Variants in CENPI observed in about 807,000 individuals in gnomAD.
CENPI encodes FSH primary response 1.
In CENPI, 4 loss-of-function variants were observed where a neutral mutation model predicts 60.4. The ratio of observed to expected loss-of-function variants is 0.07; its 90% confidence interval spans 0.03 to 0.15. The LOEUF (loss-of-function observed/expected upper bound fraction) is 0.15, where lower values mean the gene tolerates loss of function less well. Among genes scored for constraint, CENPI ranks in the 10% least tolerant of loss-of-function variants. CENPI has a pLI of 1.00. For synonymous variants in CENPI, 157 were observed against 189.4 expected, an observed-to-expected ratio of 0.83 and a Z score of 1.40; for missense variants, 444 against 534.5, an observed-to-expected ratio of 0.83 and a Z score of 1.67.
intron 4 of CENPI, among the ~76,000 whole-genome samples, chrX:101,105,347 A>AC (rs1294527609): frequency 3.6e-5 from 4 of 110,192 alleles, no homozygotes. Flanking sequence ...ACATGGTGAA[A>AC]CCCCGTCTCT....
downstream of CENPI, among the ~76,000 whole-genome samples, chrX:101,169,283 C>T (rs1449116075): frequency 8.9e-6 from 1 of 112,254 alleles, no homozygotes; most frequent in Non-Finnish European, 1.9e-5. Flanking sequence ...GAAAAACAAT[C>T]TACACATCCA....
At chrX:101,120,109 A>G (rs747380137) in intron 6 of CENPI, among the ~76,000 whole-genome samples, 5 of 112,561 alleles carry the variant, frequency 4.4e-5, no homozygotes, top group African/African-American at 1.6e-4. Context: ...TGAAAGGAAT[A>G]CATTAATTTT....
chrX:101,143,653 C>A (rs1391214357), intron 16 of CENPI, among the ~76,000 whole-genome samples: 1 of 112,494 alleles, frequency 8.9e-6, no homozygotes, highest in East Asian at 2.8e-4. Context: ...GCCTCAGCCT[C>A]CCAAGTAACG....
At chrX:101,115,001 T>A (rs2089603283) in intron 6 of CENPI, among the ~76,000 whole-genome samples, 1 of 109,640 alleles carries the variant, frequency 9.1e-6, no homozygotes, top group South Asian at 4.0e-4. Flanking sequence ...TTCACTCTTG[T>A]CACCCAGGCT....
At chrX:101,099,353 G>A (rs988274888) in intron 2 of CENPI, among the ~76,000 whole-genome samples, 2 of 108,964 alleles carry the variant, frequency 1.8e-5, no homozygotes, top group African/African-American at 3.3e-5. Flanking sequence ...GCTTGAACCC[G>A]GGAGGCGGAG....
chrX:101,116,329 G>A (rs1327461054), intron 6 of CENPI, among the ~76,000 whole-genome samples: 1 of 109,453 alleles, frequency 9.1e-6, no homozygotes, highest in Non-Finnish European at 1.9e-5. Context: ...ATCAGCTATC[G>A]TTAGTGTATT....
chrX:101,159,443 T>A (rs953857482), intron 20 of CENPI, among the ~76,000 whole-genome samples: 1 of 110,132 alleles, frequency 9.1e-6, no homozygotes, highest in Non-Finnish European at 1.9e-5. Flanking sequence ...ATTACAGGTG[T>A]GAGCCACCGC....
At chrX:101,135,906 A>G (rs951941620) in intron 15 of CENPI, among the ~76,000 whole-genome samples, 7 of 111,423 alleles carry the variant, frequency 6.3e-5, no homozygotes, top group African/African-American at 1.6e-4. Flanking sequence ...ATTTTTTAGT[A>G]GAGACGGGGT....
chrX:101,107,204 TAC>T (rs1388545484), intron 4 of CENPI, among the ~76,000 whole-genome samples: 1 of 110,639 alleles, frequency 9.0e-6, no homozygotes, highest in Non-Finnish European at 1.9e-5. Flanking sequence ...CATGAACAAA[TAC>T]ATTCTTAAAT....
At chrX:101,101,588 A>G (rs990241347) in intron 3 of CENPI, among the ~76,000 whole-genome samples, 1 of 107,427 alleles carries the variant, frequency 9.3e-6, no homozygotes, top group African/African-American at 3.6e-5. Context: ...TCTTTAACAA[A>G]CAAACTGATG....
chrX:101,150,110 A>G (rs187195183), intron 20 of CENPI, among the ~76,000 whole-genome samples: 1 of 108,755 alleles, frequency 9.2e-6, no homozygotes, highest in Non-Finnish European at 1.9e-5. Flanking sequence ...TGATTTTCTG[A>G]TATTTCTTGT....
chrX:101,131,057 A>G (rs1185230895), intron 13 of CENPI, among the ~76,000 whole-genome samples: 1 of 111,032 alleles, frequency 9.0e-6, no homozygotes, highest in Non-Finnish European at 1.9e-5. Flanking sequence ...TGGCACAATC[A>G]TGGCTTACTG....
At position 101,126,577 on chromosome X, in the gene CENPI, G is replaced by A. The variant is rs186876320; in HGVS notation, c.688-132G>A. 3.5e-4 allele frequency: 174 copies of A among 493,430 alleles called. 1 individual carries two copies. The highest frequency in any genetic ancestry group is 3.4e-3 in the African/African-American group (144 of 42,144). The allele number at this position is 493,430 out of a possible 1,213,427, so 40.7% of individuals were successfully genotyped here. ...TCTGGTTACTCATTCCTTGATTTTT[G>A]ATAGCATCTTCCTATAGCTATATCT... On this transcript the variant is annotated intron_variant, in intron 8 of 21. Coordinates refer to ENST00000682095, the MANE Select transcript of CENPI (RefSeq NM_001386188.2).
intron 6 of CENPI, among the ~76,000 whole-genome samples, chrX:101,115,822 C>G (rs1007156266): frequency 8.9e-6 from 1 of 111,839 alleles, no homozygotes; most frequent in Non-Finnish European, 1.9e-5. Context: ...TCCCTCTTTC[C>G]CCTGCTCCTG....
intron 16 of CENPI, 167 bp downstream of exon 16, chrX:101,140,927 A>G: frequency 2.5e-6 from 1 of 405,581 alleles, no homozygotes; most frequent in Non-Finnish European, 4.3e-6. Flanking sequence ...CCTGAAAGGA[A>G]GGCTAATTCT....
rs2090129259 is a variant in CENPI, at chrX:101,163,598, T to G, written c.*631T>G. On this transcript the variant is annotated 3_prime_UTR_variant, in exon 22 of 22. Coordinates refer to ENST00000682095, the MANE Select transcript of CENPI (RefSeq NM_001386188.2). ...TGTGTGTATTGTATATGTATATGTG[T>G]ATGTGTGCGTGTATGTGTGTGTCTG... The G allele has an allele frequency of 8.9e-6, 1 of 112,422 alleles. No homozygotes were observed. The highest frequency in any genetic ancestry group is 3.2e-5 in the African/African-American group (1 of 30,861). The allele number at this position is 112,422 out of a possible 1,213,427, so 9.3% of individuals were successfully genotyped here.
At chrX:101,178,398 C>CTTTTTTTTTTTTTTTT in the CENPI span, among the ~76,000 whole-genome samples, 90 of 39,974 alleles carry the variant, frequency 2.3e-3, 11 homozygotes, top group African/African-American at 2.8e-3. Flanking sequence ...TTTTCTTCTT[C>CTTTTTTTTTTTTTTTT]TTTTTTTTTT....
intron 20 of CENPI, among the ~76,000 whole-genome samples, chrX:101,161,198 A>G (rs188289184): frequency 0.012 from 1,337 of 112,416 alleles, 7 homozygotes; most frequent in Middle Eastern, 0.088. Flanking sequence ...CATGTTGACC[A>G]GGCTGATCTT....
chrX:101,101,617 A>G (rs1423101919), intron 3 of CENPI, among the ~76,000 whole-genome samples: 1 of 109,330 alleles, frequency 9.1e-6, no homozygotes, highest in Non-Finnish European at 1.9e-5. Context: ...CTACTCTTAG[A>G]CTTTCTGATT....
Sources: gnomAD v4.1 joint callset for allele counts (sites outside exome capture counted in the v4.1 genomes callset) on GRCh38, gnomAD v4.1.1 for gene constraint, MANE v1.5 for transcripts, NCBI Gene and HGNC (gene_info 2026-07-23, HGNC 2026-07-21) for gene names.